The following TFEC variants were observed in gnomAD, a reference collection of about 807,000 sequenced individuals.
TFEC encodes the protein transcription factor EC.
A neutral mutation model predicts 41.6 loss-of-function variants in TFEC; 31 were observed. That is an observed-to-expected ratio of 0.74 (90% CI 0.56 to 1.01). TFEC has a LOEUF of 1.01. Ranked by LOEUF, TFEC falls within the 50% of genes least tolerant of loss-of-function variation. TFEC has a pLI of 0.00. For missense variants in TFEC, 402 were observed against 404.1 expected, an observed-to-expected ratio of 0.99 and a Z score of 0.04; for synonymous variants, 143 against 140.6, an observed-to-expected ratio of 1.02 and a Z score of -0.12.
chr7:116,083,512 A>G (rs1467073855), intron 3 of TFEC, among the ~76,000 whole-genome samples: 1 of 151,970 alleles, frequency 6.6e-6, no homozygotes, highest in Non-Finnish European at 1.5e-5. Context: ...TTCACAAACT[A>G]TATAATTCAA....
chr7:116,086,576 C>T (rs1797208307), intron 3 of TFEC, among the ~76,000 whole-genome samples: 1 of 151,114 alleles, frequency 6.6e-6, no homozygotes, highest in African/African-American at 2.4e-5. Context: ...ATGAGTACCC[C>T]CCCACTGTTT....
intron 3 of TFEC, among the ~76,000 whole-genome samples, chr7:116,059,169 G>C (rs2130982601): frequency 1.3e-5 from 2 of 151,960 alleles, no homozygotes; most frequent in African/African-American, 4.8e-5. Flanking sequence ...TAAGGAATGA[G>C]AGAGGTGACA....
chr7:116,105,153 AC>A (rs1217392025), intron 3 of TFEC, among the ~76,000 whole-genome samples: 23 of 152,104 alleles, frequency 1.5e-4, no homozygotes, highest in African/African-American at 5.6e-4. Context: ...TTTCTAGAAG[AC>A]CAAGAAATCA....
intron 3 of TFEC, among the ~76,000 whole-genome samples, chr7:116,036,116 G>A (rs552516997): frequency 5.3e-5 from 8 of 151,806 alleles, no homozygotes; most frequent in African/African-American, 1.7e-4. Flanking sequence ...CTGTATTGTC[G>A]ATTATTTTGC....
intron 1 of TFEC, among the ~76,000 whole-genome samples, chr7:116,141,325 A>G (rs1352134814): frequency 2.0e-5 from 3 of 152,204 alleles, no homozygotes; most frequent in Non-Finnish European, 4.4e-5. Context: ...ATAAATAATA[A>G]ATAATCTTTA....
chr7:116,036,721 A>G (rs1369109834), intron 3 of TFEC, among the ~76,000 whole-genome samples: 16 of 152,102 alleles, frequency 1.1e-4, no homozygotes. Context: ...ATCAATTTTT[A>G]AAGATAAATT....
At chr7:116,112,482 C>A (rs977073862) in intron 1 of TFEC, among the ~76,000 whole-genome samples, 3 of 151,926 alleles carry the variant, frequency 2.0e-5, no homozygotes, top group African/African-American at 7.2e-5. Context: ...GCCTCTGGCA[C>A]ATAATACAAA....
At chr7:116,040,777 C>T (rs909419925) in intron 3 of TFEC, among the ~76,000 whole-genome samples, 3 of 152,140 alleles carry the variant, frequency 2.0e-5, no homozygotes, top group Non-Finnish European at 4.4e-5. Flanking sequence ...ATTTGGGTCT[C>T]ATCTGATAAG....
chr7:116,072,045 A>G (rs1377611007), intron 3 of TFEC, among the ~76,000 whole-genome samples: 1 of 151,636 alleles, frequency 6.6e-6, no homozygotes, highest in African/African-American at 2.4e-5. Context: ...TTGAAAACAC[A>G]TAAAATTACA....
intron 1 of TFEC, chr7:116,159,778 A>AG (rs1443075703): frequency 1.1e-4 from 16 of 152,140 alleles, no homozygotes; most frequent in African/African-American, 3.9e-4. Flanking sequence ...AATAATTCAG[A>AG]GGAAAAATTA....
At chr7:115,976,558 G>A (rs1793388813) in intron 2 of TFEC, among the ~76,000 whole-genome samples, 1 of 152,186 alleles carries the variant, frequency 6.6e-6, no homozygotes, top group African/African-American at 2.4e-5. Flanking sequence ...TGCACAGAGA[G>A]ATCTTTAAAG....
intron 6 of TFEC, among the ~76,000 whole-genome samples, chr7:115,946,977 A>G (rs933947668): frequency 6.6e-6 from 1 of 151,184 alleles, no homozygotes; most frequent in African/African-American, 2.4e-5. Flanking sequence ...TGTGCAGGTT[A>G]GTTACATATG....
At chr7:116,057,142 C>T (rs1393662456) in intron 3 of TFEC, among the ~76,000 whole-genome samples, 2 of 151,846 alleles carry the variant, frequency 1.3e-5, no homozygotes. Flanking sequence ...AAAACAACAA[C>T]AAAAATGGGC....
intron 3 of TFEC, among the ~76,000 whole-genome samples, chr7:116,103,608 T>C (rs2115993479): frequency 6.6e-6 from 1 of 152,318 alleles, no homozygotes; most frequent in African/African-American, 2.4e-5. Flanking sequence ...ATACTATTTC[T>C]GTTTTTGTCA....
chr7:115,963,535 T>A (rs1374940444), intron 3 of TFEC, among the ~76,000 whole-genome samples: 1 of 151,668 alleles, frequency 6.6e-6, no homozygotes, highest in Non-Finnish European at 1.5e-5. Context: ...CATCAACAGA[T>A]GAATAGATAA....
rs1795236288 is a variant in TFEC at position 116,017,468 on chromosome 7, A to G, written c.-73+13165T>C. 2.0e-5 allele frequency among the ~76,000 whole-genome samples: 3 copies of G among 151,914 alleles called. 1 individual carries two copies. The highest frequency in any genetic ancestry group is 2.0e-4 in the Admixed American group (3 of 15,226). On this transcript the variant is annotated intron_variant, in intron 1 of 7. Coordinates refer to ENST00000265440, the MANE Select transcript of TFEC (RefSeq NM_012252.4). Reference sequence around the variant, plus strand: ...GAACTCCTGACCTGGTGATCTGTCCATCTTGGCCTCCCAAAGTGCTGGGAT... The same window carrying G: ...GAACTCCTGACCTGGTGATCTGTCCGTCTTGGCCTCCCAAAGTGCTGGGAT...
At position 115,940,905 on chromosome 7, in the gene TFEC, A is replaced by G. The variant is rs1793460586; in HGVS notation, c.690T>C (p.His230=). ...IQELEIQART[H]GLPTLASLGT... is the part of the protein sequence containing the mutation. ...CAAGTGAAGCCAGGGTTGGCAGACC[A>G]TGAGTACGAGCCTGAATTTCTAGTT... The change falls in exon 8 of 8, where the codon CAT becomes CAC. Residue 230 remains histidine (H), a synonymous_variant. Coordinates refer to ENST00000265440, the MANE Select transcript of TFEC (RefSeq NM_012252.4). 1.9e-6 allele frequency: 3 copies of G among 1,605,372 alleles called. No homozygotes were observed. Among genetic ancestry groups the G allele is most frequent in the Non-Finnish European group, 2.6e-6 (3 of 1,174,794 alleles).
intron 3 of TFEC, among the ~76,000 whole-genome samples, chr7:116,078,140 A>C (rs940494381): frequency 1.3e-5 from 2 of 152,052 alleles, no homozygotes; most frequent in African/African-American, 4.8e-5. Flanking sequence ...AAAACCACGC[A>C]AATACATGCA....
At chr7:116,148,688 A>T (rs1015391354) in intron 1 of TFEC, among the ~76,000 whole-genome samples, 1 of 152,206 alleles carries the variant, frequency 6.6e-6, no homozygotes, top group African/African-American at 2.4e-5. Flanking sequence ...CAATAGGAAG[A>T]GGGAAGACAT....
Sources: allele counts gnomAD v4.1 joint callset (sites outside exome capture counted in the v4.1 genomes callset), GRCh38; gene constraint gnomAD v4.1.1; transcripts MANE v1.5; gene names NCBI Gene and HGNC (gene_info 2026-07-23, HGNC 2026-07-21).